FARP1: variants seen among roughly 807,000 people sequenced by gnomAD.
The protein encoded by FARP1 is FERM, ARH/RhoGEF and pleckstrin domain protein 1, also known as FERM, ARHGEF and pleckstrin domain-containing protein 1.
A neutral mutation model predicts 128.8 loss-of-function variants in FARP1; 52 were observed. That is an observed-to-expected ratio of 0.40 (90% CI 0.32 to 0.51). FARP1 has a LOEUF of 0.51. FARP1 is among the 20% of genes least tolerant of loss of function. The pLI is 0.45. For missense variants in FARP1, 1,333 were observed against 1,367.9 expected (o/e 0.97, Z 0.40); for synonymous variants, 580 against 551.8 (o/e 1.05, Z -0.72).
At chr13:98,410,458 T>C (rs1295177102) in intron 14 of FARP1, among the ~76,000 whole-genome samples, 1 of 152,234 alleles carries the variant, frequency 6.6e-6, no homozygotes, top group Non-Finnish European at 1.5e-5. Context: ...GAAGGAAACC[T>C]TCCTAGACTA....
At chr13:98,233,332 A>G (rs1191948048) in intron 2 of FARP1, among the ~76,000 whole-genome samples, 1 of 152,068 alleles carries the variant, frequency 6.6e-6, no homozygotes, top group African/African-American at 2.4e-5. Context: ...CTGGTTAACT[A>G]TGCCCTGAAT....
At chr13:98,145,523 C>T (rs1875465472) in intron 1 of FARP1, among the ~76,000 whole-genome samples, 2 of 151,926 alleles carry the variant, frequency 1.3e-5, no homozygotes. Context: ...CAGAATTATC[C>T]AGAGTTTACA....
intron 16 of FARP1, among the ~76,000 whole-genome samples, chr13:98,414,589 T>C (rs1156949594): frequency 6.6e-6 from 1 of 152,202 alleles, no homozygotes; most frequent in South Asian, 2.1e-4. Context: ...CAGCCTGATA[T>C]AACCCAGCCC....
At chr13:98,226,155 G>C (rs1186292775) in intron 2 of FARP1, among the ~76,000 whole-genome samples, 1 of 152,238 alleles carries the variant, frequency 6.6e-6, no homozygotes, top group Non-Finnish European at 1.5e-5. Context: ...GAGACCAGCT[G>C]TCTGAGATCA....
In FARP1 at chr13:98,368,202, G is replaced by A. The variant is rs199611920; in HGVS notation, c.398+7G>A. 4 of 1,609,526 alleles carry A rather than the reference G, an allele frequency of 2.5e-6. No individual in the cohort carries two copies. The East Asian group carries it at 8.9e-5, about 36-fold the overall frequency. Reference sequence around the variant, plus strand: ...TCCAAGAAGAACTCACAAGGTTAGTGGTTTGGAAACTGTGTATTTTTTGCT... The same window carrying A: ...TCCAAGAAGAACTCACAAGGTTAGTAGTTTGGAAACTGTGTATTTTTTGCT... On this transcript the variant is annotated splice_region_variant and intron_variant, in intron 5 of 26. Coordinates refer to ENST00000319562, the MANE Select transcript of FARP1 (RefSeq NM_005766.4).
chr13:98,256,793 C>G (rs1457487314), intron 2 of FARP1, among the ~76,000 whole-genome samples: 1 of 148,782 alleles, frequency 6.7e-6, no homozygotes. Context: ...CTCCTGGCCT[C>G]AAGTGATCCA....
At chr13:98,351,133 C>T (rs921576884) in intron 3 of FARP1, among the ~76,000 whole-genome samples, 1 of 152,032 alleles carries the variant, frequency 6.6e-6, no homozygotes, top group African/African-American at 2.4e-5. Context: ...TGCCTCCAGC[C>T]CAGCCCTGGT....
intron 2 of FARP1, among the ~76,000 whole-genome samples, chr13:98,286,604 G>A (rs531583125): frequency 6.6e-6 from 1 of 152,174 alleles, no homozygotes; most frequent in Non-Finnish European, 1.5e-5. Flanking sequence ...GTGGAACTGT[G>A]AGTCCTTTAA....
At chr13:98,338,600 A>C (rs948026711) in intron 2 of FARP1, 7 of 152,166 alleles carry the variant, frequency 4.6e-5, no homozygotes, top group African/African-American at 1.7e-4. Flanking sequence ...GCTTTTGGCT[A>C]TTGTGAATAA....
At chr13:98,360,311 G>T (rs916202189) in intron 3 of FARP1, among the ~76,000 whole-genome samples, 2 of 152,126 alleles carry the variant, frequency 1.3e-5, no homozygotes, top group African/African-American at 4.8e-5. Context: ...GGCCAGGCTG[G>T]TCTCAAACTC....
intron 1 of FARP1, chr13:98,177,722 A>T (rs964354089): frequency 6.7e-6 from 1 of 149,380 alleles, no homozygotes; most frequent in South Asian, 2.2e-4. Flanking sequence ...TGGCCCTCAG[A>T]TGGATTCCTT....
rs571555850 is a variant in FARP1 at position 98,354,698 on chromosome 13, A to G, written c.277-10697A>G. Among the ~76,000 whole-genome samples, 13 of 152,398 alleles carry G rather than the reference A, an allele frequency of 8.5e-5. No individual in the cohort carries two copies. In the South Asian group the frequency reaches 2.7e-3, roughly 32 times the overall value. On this transcript the variant is annotated intron_variant, in intron 3 of 26. Coordinates refer to ENST00000319562, the MANE Select transcript of FARP1 (RefSeq NM_005766.4). Reference sequence around the variant, plus strand: ...ATGAAAGCTTATGTCCATAAAAATAAGTATAAAAATATTCTTTGCAGTTTT... The same window carrying G: ...ATGAAAGCTTATGTCCATAAAAATAGGTATAAAAATATTCTTTGCAGTTTT...
At position 98,191,945 on chromosome 13, in the gene FARP1, ATAAAT is replaced by A. The variant is rs1027236345; in HGVS notation, c.-23-21269_-23-21265del. Among the ~76,000 whole-genome samples the A allele has an allele frequency of 1.8e-4, 28 of 152,228 alleles. 1 individual carries two copies. The highest frequency in any genetic ancestry group is 5.5e-4 in the African/African-American group (23 of 41,464). On this transcript the variant is annotated intron_variant, in intron 1 of 26. Transcript: ENST00000319562. The stretch of plus-strand genomic sequence containing the variant: ...GTGACAGAGCAAGACTCTGTCTTAA[ATAAAT>A]TAAATACGTAAGTAAATAAATAAAT...
At chr13:98,259,449 A>C (rs927749331) in intron 2 of FARP1, among the ~76,000 whole-genome samples, 1 of 151,038 alleles carries the variant, frequency 6.6e-6, no homozygotes, top group African/African-American at 2.5e-5. Context: ...CTTGGGGCTT[A>C]AGTGCAGCCT....
intron 1 of FARP1, among the ~76,000 whole-genome samples, chr13:98,153,529 AT>A (rs879496410): frequency 0.16 from 20,120 of 124,220 alleles, 2,182 homozygotes; most frequent in Middle Eastern, 0.27. Flanking sequence ...TTATATATAT[AT>A]TATATATAAA....
At chr13:98,143,644 C>T (rs1410320177) in intron 1 of FARP1, among the ~76,000 whole-genome samples, 152 bp downstream of exon 1, 1 of 151,060 alleles carries the variant, frequency 6.6e-6, no homozygotes, top group South Asian at 2.1e-4. Flanking sequence ...AGGTCCTGCC[C>T]TGCGCAGTCG....
chr13:98,305,983 G>A (rs1886136266), intron 2 of FARP1, among the ~76,000 whole-genome samples: 1 of 152,006 alleles, frequency 6.6e-6, no homozygotes, highest in Non-Finnish European at 1.5e-5. Context: ...TCCACGCTTT[G>A]CTGTCTGTGT....
chr13:98,319,703 A>G (rs1454790645), intron 2 of FARP1, among the ~76,000 whole-genome samples: 2 of 152,230 alleles, frequency 1.3e-5, no homozygotes, highest in African/African-American at 2.4e-5. Flanking sequence ...ACAGTAGAGC[A>G]TGTGGATTCT....
In FARP1 at chr13:98,248,927, G is replaced by T. The variant is rs1165979485; in HGVS notation, c.171+35514G>T. On this transcript the variant is annotated intron_variant, in intron 2 of 26. Coordinates refer to ENST00000319562, the MANE Select transcript of FARP1 (RefSeq NM_005766.4). The stretch of plus-strand genomic sequence containing the variant: ...AGAATGTGCCTTACAGAGAAAACGG[G>T]TGTTAGGGAAGCTTCATTTAGGCAT... 3.3e-5 allele frequency among the ~76,000 whole-genome samples: 5 copies of T among 152,212 alleles called. No individual in the cohort carries two copies. In the East Asian group the frequency reaches 7.7e-4, roughly 24 times the overall value.
Sources: gnomAD v4.1 joint callset for allele counts (sites outside exome capture counted in the v4.1 genomes callset) on GRCh38, gnomAD v4.1.1 for gene constraint, MANE v1.5 for transcripts, NCBI Gene and HGNC (gene_info 2026-07-23, HGNC 2026-07-21) for gene names.